PAX3: variants seen among roughly 807,000 people sequenced by gnomAD.
The protein encoded by PAX3 is paired box 3.
Under a neutral mutation model 51.6 loss-of-function variants are expected in PAX3, and 14 were observed. The ratio of observed to expected loss-of-function variants is 0.27; its 90% CI spans 0.18 to 0.42. The LOEUF (loss-of-function observed/expected upper bound fraction) is 0.42, where lower values mean the gene tolerates loss of function less well. PAX3 is among the 10% of genes least tolerant of loss of function. PAX3 has a pLI of 1.00. For missense variants in PAX3, 540 were observed against 642.8 expected (o/e 0.84, Z 1.73); for synonymous variants, 280 against 253.4 (o/e 1.11, Z -1.00).
intron 4 of PAX3, among the ~76,000 whole-genome samples, chr2:222,255,378 T>C (rs1202363968): frequency 6.6e-6 from 1 of 152,234 alleles, no homozygotes; most frequent in African/African-American, 2.4e-5. Context: ...GGTGATCTCA[T>C]GCAAATCATC....
At chr2:222,213,283 A>G (rs557719086) in intron 7 of PAX3, among the ~76,000 whole-genome samples, 2 of 152,204 alleles carry the variant, frequency 1.3e-5, no homozygotes, top group Non-Finnish European at 2.9e-5. Flanking sequence ...TCATACTCTT[A>G]AGTGTAGCGA....
intron 4 of PAX3, among the ~76,000 whole-genome samples, chr2:222,261,609 AAAAAAAG>A (rs1315174401): frequency 6.6e-6 from 1 of 151,800 alleles, no homozygotes; most frequent in Non-Finnish European, 1.5e-5. Context: ...AACAAAAAAA[AAAAAAAG>A]AAAAAGAAAA....
rs1559263174 is a variant in PAX3, at chr2:222,220,133, G to A, written c.1173+7C>T. 2.5e-6 allele frequency: 4 copies of A among 1,611,896 alleles called. No individual in the cohort carries two copies. The highest frequency in any genetic ancestry group is 3.4e-6 in the Non-Finnish European group (4 of 1,178,400). On this transcript the variant is annotated splice_region_variant and intron_variant, in intron 7 of 8. Transcript: ENST00000392070. ...GCAAATCGTCTGTCTAGAAACACGG[G>A]ACTGACCTGAGGTGAGAGGCCATTG... is the stretch of plus-strand genomic sequence containing the variant.
At chr2:222,283,803 T>C (rs1694731453) in intron 4 of PAX3, among the ~76,000 whole-genome samples, 1 of 152,250 alleles carries the variant, frequency 6.6e-6, no homozygotes, top group Non-Finnish European at 1.5e-5. Context: ...TGCCCCAGCC[T>C]GACCTATTTT....
At chr2:222,201,668 G>T in intron 8 of PAX3, 2 of 1,388,358 alleles carry the variant, frequency 1.4e-6, no homozygotes, top group Non-Finnish European at 1.9e-6. Flanking sequence ...CTAATGTCAG[G>T]GATTATTTCA....
chr2:222,229,920 A>G (rs929695830), intron 5 of PAX3, among the ~76,000 whole-genome samples: 9 of 152,222 alleles, frequency 5.9e-5, no homozygotes, highest in Non-Finnish European at 1.3e-4. Context: ...ACAATGGCTC[A>G]TGCCTATAAT....
In PAX3 at chr2:222,202,063, T is replaced by C. The variant is rs1691314157; in HGVS notation, c.1301A>G (p.Asp434Gly). Reference sequence around the variant, plus strand: ...CAGACTGTCCAAGCTCTTCATATGGTCTAGTCTCTGACTGCAGCTGGCCGA... The same window carrying C: ...CAGACTGTCCAAGCTCTTCATATGGCCTAGTCTCTGACTGCAGCTGGCCGA... Reference protein sequence around the residue: ...TVSASCSQRLDHMKSLDSLPT... With the variant: ...TVSASCSQRLGHMKSLDSLPT... The change falls in exon 8 of 9, where the codon GAC becomes GGC. Residue 434 changes from aspartate to glycine, a missense_variant. Asp to Gly is a moderately conservative substitution (Grantham distance 94, BLOSUM62 -1). Around this residue, in one of 3 missense-constraint regions of PAX3, gnomAD observed 427 missense variants for 483.6 expected, o/e 0.88. Coordinates refer to ENST00000392070, the MANE Select transcript of PAX3 (RefSeq NM_181458.4). 5.0e-6 allele frequency: 8 copies of C among 1,613,860 alleles called. No homozygotes were observed. Among genetic ancestry groups the C allele is most frequent in the Non-Finnish European group, 6.8e-6 (8 of 1,179,996 alleles).
chr2:222,280,184 C>T (rs773051770), intron 4 of PAX3, among the ~76,000 whole-genome samples: 41 of 150,728 alleles, frequency 2.7e-4, no homozygotes, highest in South Asian at 6.3e-4. Flanking sequence ...GCACTGCAGC[C>T]TGGGCAACAA....
chr2:222,241,583 G>A (rs1053014811), intron 4 of PAX3, among the ~76,000 whole-genome samples: 8 of 152,200 alleles, frequency 5.3e-5, no homozygotes, highest in Admixed American at 2.6e-4. Context: ...TTGCTAAAGA[G>A]ACAAATCATA....
At chr2:222,270,987 C>T (rs543561588) in intron 4 of PAX3, among the ~76,000 whole-genome samples, 1 of 152,308 alleles carries the variant, frequency 6.6e-6, no homozygotes, top group South Asian at 2.1e-4. Context: ...GCTACCAAAC[C>T]TTGTTTCAAT....
intron 4 of PAX3, among the ~76,000 whole-genome samples, chr2:222,271,153 T>C (rs1476849996): frequency 6.6e-6 from 1 of 152,228 alleles, no homozygotes; most frequent in Non-Finnish European, 1.5e-5. Flanking sequence ...GAACACATAG[T>C]GACTTTTCCA....
At chr2:222,233,713 G>A (rs1219768674) in intron 4 of PAX3, among the ~76,000 whole-genome samples, 1 of 152,278 alleles carries the variant, frequency 6.6e-6, no homozygotes, top group East Asian at 1.9e-4. Context: ...CATAGACCCT[G>A]AGCCTAGAGG....
At chr2:222,207,407 T>C (rs1691553765) in intron 7 of PAX3, among the ~76,000 whole-genome samples, 1 of 152,198 alleles carries the variant, frequency 6.6e-6, no homozygotes, top group Admixed American at 6.6e-5. Flanking sequence ...GGTGACCTTC[T>C]CACCCATCCT....
chr2:222,243,970 T>C (rs1032621366), intron 4 of PAX3, among the ~76,000 whole-genome samples: 9 of 152,144 alleles, frequency 5.9e-5, no homozygotes, highest in African/African-American at 1.9e-4. Flanking sequence ...GTGCAAGAAG[T>C]ACTTCCCTAG....
chr2:222,284,707 T>G (rs1694772619), intron 4 of PAX3, among the ~76,000 whole-genome samples: 2 of 152,224 alleles, frequency 1.3e-5, no homozygotes, highest in African/African-American at 4.8e-5. Flanking sequence ...AGAGCCCATC[T>G]GCTAGTTTGT....
chr2:222,294,251 C>T lies in PAX3; in HGVS notation c.502G>A (p.Glu168Lys), dbSNP rs1217702426. Reference protein sequence around the residue: ...LRSKFGKGEEEEADLERKEAE... With the variant: ...LRSKFGKGEEKEADLERKEAE... The stretch of plus-strand genomic sequence containing the variant: ...TCCTTCCTCTCCAAGTCGGCCTCCT[C>T]CTCTTCACCTTTCCCGAATTTACTT... Residue 168 changes from glutamate (E) to lysine (K), a missense_variant, in exon 4 of 9, where the codon GAG becomes AAG. By Grantham distance (56) the Glu-to-Lys change is moderately conservative. Coordinates refer to ENST00000392070, the MANE Select transcript of PAX3 (RefSeq NM_181458.4). The T allele has an allele frequency of 3.7e-6, 6 of 1,614,280 alleles. No individual in the cohort carries two copies. The highest frequency in any genetic ancestry group is 1.3e-5 in the African/African-American group (1 of 75,074).
At chr2:222,236,037 C>A (rs1257516782) in intron 4 of PAX3, among the ~76,000 whole-genome samples, 1 of 152,172 alleles carries the variant, frequency 6.6e-6, no homozygotes, top group African/African-American at 2.4e-5. Flanking sequence ...AAGCCACAAT[C>A]TTACAAGATA....
At chr2:222,221,177 T>G (rs1293005349) in intron 6 of PAX3, 45 bp downstream of exon 6, 20 of 1,578,068 alleles carry the variant, frequency 1.3e-5, no homozygotes, top group Non-Finnish European at 1.7e-5. Context: ...ACCAGAGAAA[T>G]CGCCTGGAAG....
intron 4 of PAX3, chr2:222,233,124 T>TA (rs1312653514): frequency 1.5e-5 from 2 of 129,744 alleles, no homozygotes; most frequent in African/African-American, 6.1e-5. Flanking sequence ...ATCCCTTTTG[T>TA]AAAAAAATAT....
Sources: allele counts gnomAD v4.1 joint callset (sites outside exome capture counted in the v4.1 genomes callset), GRCh38; gene constraint gnomAD v4.1.1; regional missense constraint gnomAD v4.1.1; transcripts MANE v1.5; gene names NCBI Gene and HGNC (gene_info 2026-07-23, HGNC 2026-07-21).